The following EFNA5 variants were observed in gnomAD, a reference collection of about 807,000 sequenced individuals.
EFNA5 encodes ephrin A5, also known as ephrin-A5.
A neutral mutation model predicts 22.9 loss-of-function variants in EFNA5; 5 were observed. The ratio of observed to expected loss-of-function variants is 0.22; its 90% confidence interval spans 0.11 to 0.46. The LOEUF is 0.46. Among genes scored for constraint, EFNA5 ranks in the 20% least tolerant of loss-of-function variants. The probability of loss-of-function intolerance (pLI) is 0.99; values close to 1 mark genes in which losing one functional copy is unlikely to be tolerated. For missense variants in EFNA5, 237 were observed against 293.3 expected (o/e 0.81, Z 1.40); for synonymous variants, 113 against 112.2 (o/e 1.01, Z -0.04).
At chr5:107,611,036 T>C (rs1749812005) in intron 1 of EFNA5, among the ~76,000 whole-genome samples, 1 of 152,146 alleles carries the variant, frequency 6.6e-6, no homozygotes, top group African/African-American at 2.4e-5. Flanking sequence ...TATGCGCCTA[T>C]TCCCAATGAT....
chr5:107,454,644 A>G (rs1301908019), intron 1 of EFNA5, among the ~76,000 whole-genome samples: 1 of 152,188 alleles, frequency 6.6e-6, no homozygotes, highest in African/African-American at 2.4e-5. Context: ...AAATTTTATA[A>G]TATGCAAATA....
At chr5:107,503,304 C>G (rs1747177854) in intron 1 of EFNA5, among the ~76,000 whole-genome samples, 1 of 152,180 alleles carries the variant, frequency 6.6e-6, no homozygotes, top group African/African-American at 2.4e-5. Flanking sequence ...ATGTTTTGCC[C>G]AGTTGCAATG....
intron 1 of EFNA5, among the ~76,000 whole-genome samples, chr5:107,527,062 T>A (rs1019100202): frequency 6.6e-6 from 1 of 152,132 alleles, no homozygotes; most frequent in African/African-American, 2.4e-5. Context: ...AAAATACCTT[T>A]GTGTTGGGAA....
At chr5:107,468,110 A>T (rs570085141) in intron 1 of EFNA5, among the ~76,000 whole-genome samples, 1 of 152,350 alleles carries the variant, frequency 6.6e-6, no homozygotes, top group South Asian at 2.1e-4. Flanking sequence ...TTTTAAAAGC[A>T]GAGTTATGCA....
chr5:107,445,652 G>A (rs1235303022), intron 1 of EFNA5, among the ~76,000 whole-genome samples: 1 of 152,142 alleles, frequency 6.6e-6, no homozygotes, highest in Non-Finnish European at 1.5e-5. Flanking sequence ...ACACCTAGCA[G>A]GTGTGGAGTT....
At chr5:107,476,735 T>TTC (rs34563371) in intron 1 of EFNA5, among the ~76,000 whole-genome samples, 5,165 of 148,112 alleles carry the variant, frequency 0.035, 106 homozygotes, top group Non-Finnish European at 0.04. Flanking sequence ...TTTTTTCTCT[T>TTC]TCTCTCTCTC....
At chr5:107,666,473 C>G (rs1299186905) in intron 1 of EFNA5, among the ~76,000 whole-genome samples, 1 of 152,046 alleles carries the variant, frequency 6.6e-6, no homozygotes, top group African/African-American at 2.4e-5. Flanking sequence ...ACCTGCTACT[C>G]TAATATGAAA....
chr5:107,544,560 C>A (rs1201575102), intron 1 of EFNA5, among the ~76,000 whole-genome samples: 2 of 152,116 alleles, frequency 1.3e-5, no homozygotes, highest in African/African-American at 2.4e-5. Context: ...TTGGAAAAAG[C>A]AAATGATGAA....
intron 1 of EFNA5, among the ~76,000 whole-genome samples, chr5:107,504,029 T>C (rs1234247105): frequency 6.6e-6 from 1 of 152,164 alleles, no homozygotes; most frequent in Non-Finnish European, 1.5e-5. Context: ...AATTCACTTT[T>C]ATACATCAAT....
intron 2 of EFNA5, among the ~76,000 whole-genome samples, chr5:107,399,373 G>C: frequency 1.2e-5 from 1 of 86,064 alleles, no homozygotes; most frequent in South Asian, 3.3e-4. Flanking sequence ...AGGAAGGAGG[G>C]AGGAAGGAAG....
chr5:107,451,794 A>C (rs980047968), intron 1 of EFNA5, among the ~76,000 whole-genome samples: 4 of 152,286 alleles, frequency 2.6e-5, no homozygotes, highest in Non-Finnish European at 5.9e-5. Flanking sequence ...ACTTAGTTCA[A>C]CCATTGTGGA....
At chr5:107,558,964 C>T (rs940013065) in intron 1 of EFNA5, among the ~76,000 whole-genome samples, 2 of 152,182 alleles carry the variant, frequency 1.3e-5, no homozygotes, top group African/African-American at 4.8e-5. Context: ...TGTTCTGGCA[C>T]TTTTATGTTT....
At chr5:107,513,073 C>T (rs1210056458) in intron 1 of EFNA5, among the ~76,000 whole-genome samples, 1 of 152,164 alleles carries the variant, frequency 6.6e-6, no homozygotes, top group Non-Finnish European at 1.5e-5. Context: ...CTAGGGGCCT[C>T]ACCCACCAGG....
chr5:107,457,975 C>T (rs1319814643), intron 1 of EFNA5, among the ~76,000 whole-genome samples: 1 of 152,102 alleles, frequency 6.6e-6, no homozygotes, highest in African/African-American at 2.4e-5. Flanking sequence ...GATTTTAGAA[C>T]GTGTTCAAGG....
At chr5:107,480,602 A>G (rs1750431302) in intron 1 of EFNA5, among the ~76,000 whole-genome samples, 1 of 152,224 alleles carries the variant, frequency 6.6e-6, no homozygotes, top group Non-Finnish European at 1.5e-5. Context: ...GGAGGTATCC[A>G]ATACACCAAT....
chr5:107,591,926 AATATATAATATATATAT>A (rs1749349599), intron 1 of EFNA5, among the ~76,000 whole-genome samples: 5 of 7,940 alleles, frequency 6.3e-4, no homozygotes, highest in African/African-American at 5.2e-3. Context: ...ATATATATAT[AATATATAATATATATAT>A]TATATATAAT....
At chr5:107,440,939 T>G (rs1749239716) in intron 1 of EFNA5, among the ~76,000 whole-genome samples, 1 of 152,086 alleles carries the variant, frequency 6.6e-6, no homozygotes, top group Non-Finnish European at 1.5e-5. Context: ...TAATTCAACA[T>G]CTGGGTATCT....
At chr5:107,523,872 T>C (rs1474079859) in intron 1 of EFNA5, among the ~76,000 whole-genome samples, 3 of 152,218 alleles carry the variant, frequency 2.0e-5, no homozygotes, top group Non-Finnish European at 4.4e-5. Flanking sequence ...TATTTGCAAT[T>C]AACAATAGGA....
chr5:107,618,496 G>T (rs1232984782), intron 1 of EFNA5, among the ~76,000 whole-genome samples: 1 of 152,150 alleles, frequency 6.6e-6, no homozygotes, highest in East Asian at 1.9e-4. Flanking sequence ...AAGATAAGAA[G>T]TACCTCTCAG....
Sources: allele counts gnomAD v4.1 joint callset (sites outside exome capture counted in the v4.1 genomes callset), GRCh38; gene constraint gnomAD v4.1.1; transcripts MANE v1.5; gene names NCBI Gene and HGNC (gene_info 2026-07-23, HGNC 2026-07-21).